The following LAMA2 variants were observed in gnomAD, a reference collection of about 807,000 sequenced individuals.
LAMA2 encodes the protein laminin subunit alpha-2.
LAMA2 carries 269 observed loss-of-function variants against 364.8 expected under a neutral mutation model. The ratio of observed to expected loss-of-function variants is 0.74; its 90% CI spans 0.67 to 0.82. LAMA2 has a LOEUF of 0.82. Ranked by LOEUF, LAMA2 falls within the 40% of genes least tolerant of loss-of-function variation. The pLI, the probability that LAMA2 is intolerant of heterozygous loss-of-function variation, is 0.00. For synonymous variants in LAMA2, 1,379 were observed against 1,370.6 expected (o/e 1.01, Z -0.14); for missense variants, 3,807 against 3,873.2 (o/e 0.98, Z 0.45).
intron 1 of LAMA2, among the ~76,000 whole-genome samples, chr6:128,982,415 T>A (rs1782943407): frequency 6.6e-6 from 1 of 152,176 alleles, no homozygotes. Context: ...ACCTACGACT[T>A]CTGACAATTT....
intron 1 of LAMA2, among the ~76,000 whole-genome samples, chr6:128,932,313 G>A (rs1439209329): frequency 6.6e-6 from 1 of 152,156 alleles, no homozygotes; most frequent in Non-Finnish European, 1.5e-5. Flanking sequence ...AATCTCTCCA[G>A]TAGTTTCTTC....
intron 1 of LAMA2, among the ~76,000 whole-genome samples, chr6:128,919,365 C>T (rs35867085): frequency 0.07 from 10,616 of 152,234 alleles, 448 homozygotes; most frequent in South Asian, 0.12. Context: ...CCACTATTCT[C>T]ACTAGTCATC....
intron 51 of LAMA2, among the ~76,000 whole-genome samples, chr6:129,468,815 G>A (rs983625347): frequency 7.9e-5 from 12 of 151,818 alleles, no homozygotes; most frequent in South Asian, 2.1e-4. Flanking sequence ...AGATGCATAC[G>A]GTTCCTACCC....
At position 129,139,595 on chromosome 6, in the gene LAMA2, C is replaced by T. The variant is rs114805032; in HGVS notation, c.640-4306C>T. 4.9e-3 allele frequency among the ~76,000 whole-genome samples: 738 copies of T among 152,088 alleles called. 4 individuals carry two copies. Among genetic ancestry groups the T allele is most frequent in the African/African-American group, 0.017 (692 of 41,496 alleles). On this transcript the variant is annotated intron_variant, in intron 4 of 64. Transcript: ENST00000421865. ...TCCACAGGAGGTCCTGGAACCAATCCCCACAAATCCCCTGAAACTATAACT... is the reference window on the plus strand; with the variant it reads ...TCCACAGGAGGTCCTGGAACCAATCTCCACAAATCCCCTGAAACTATAACT...
chr6:129,299,205 A>C (rs1773394115), intron 21 of LAMA2, among the ~76,000 whole-genome samples: 1 of 151,990 alleles, frequency 6.6e-6, no homozygotes, highest in Admixed American at 6.6e-5. Flanking sequence ...CTTGCACAAA[A>C]TAGCCTGGAT....
chr6:128,952,430 A>T (rs985066398), intron 1 of LAMA2, among the ~76,000 whole-genome samples: 1 of 152,160 alleles, frequency 6.6e-6, no homozygotes, highest in African/African-American at 2.4e-5. Context: ...ACTGCTTTAG[A>T]TGCTGGAGAT....
chr6:129,460,571 G>A (rs1783198285), intron 49 of LAMA2, among the ~76,000 whole-genome samples: 1 of 152,004 alleles, frequency 6.6e-6, no homozygotes, highest in Non-Finnish European at 1.5e-5. Flanking sequence ...TATAAAATTT[G>A]CAAAGGTAAG....
At chr6:128,916,138 G>A (rs951710539) in intron 1 of LAMA2, among the ~76,000 whole-genome samples, 6 of 152,068 alleles carry the variant, frequency 3.9e-5, no homozygotes, top group Non-Finnish European at 8.8e-5. Context: ...GGTGATGATA[G>A]TCCTGCATTT....
At chr6:129,400,466 A>G (rs60904661) in intron 37 of LAMA2, among the ~76,000 whole-genome samples, 2,235 of 152,344 alleles carry the variant, frequency 0.015, 67 homozygotes, top group African/African-American at 0.051. Context: ...GAAAAAAACT[A>G]TAAGTGGTCA....
intron 12 of LAMA2, among the ~76,000 whole-genome samples, chr6:129,216,429 G>C (rs1445842381): frequency 6.6e-6 from 1 of 152,156 alleles, no homozygotes; most frequent in East Asian, 1.9e-4. Context: ...CCTTAAGCTA[G>C]TTTTGCAATA....
intron 1 of LAMA2, among the ~76,000 whole-genome samples, chr6:128,942,852 AG>A (rs1780239993): frequency 6.6e-6 from 1 of 152,150 alleles, no homozygotes. Flanking sequence ...TTGGGGTGGC[AG>A]GGGTAACCGA....
At chr6:128,911,101 C>A (rs1273774804) in intron 1 of LAMA2, among the ~76,000 whole-genome samples, 2 of 152,140 alleles carry the variant, frequency 1.3e-5, no homozygotes, top group African/African-American at 4.8e-5. Context: ...TTTGTCTGTG[C>A]CCTGCCCCCA....
At chr6:129,422,252 G>A (rs1278501443) in intron 40 of LAMA2, among the ~76,000 whole-genome samples, 1 of 151,932 alleles carries the variant, frequency 6.6e-6, no homozygotes, top group Non-Finnish European at 1.5e-5. Flanking sequence ...GGTTGACTAA[G>A]GATCCAGGAA....
At chr6:129,199,111 T>C (rs907316204) in intron 12 of LAMA2, among the ~76,000 whole-genome samples, 3 of 152,050 alleles carry the variant, frequency 2.0e-5, no homozygotes, top group Non-Finnish European at 4.4e-5. Flanking sequence ...AAATAAAATA[T>C]TAACAACCCA....
intron 12 of LAMA2, among the ~76,000 whole-genome samples, chr6:129,205,157 A>G (rs1287896216): frequency 6.6e-6 from 1 of 152,014 alleles, no homozygotes; most frequent in Non-Finnish European, 1.5e-5. Context: ...TGGGAGGCTG[A>G]GGCAGATGGA....
At chr6:128,904,949 A>ATGGT (rs1277912830) in intron 1 of LAMA2, among the ~76,000 whole-genome samples, 1 of 152,206 alleles carries the variant, frequency 6.6e-6, no homozygotes, top group East Asian at 1.9e-4. Flanking sequence ...CAAGATGCAT[A>ATGGT]TGGTTTTCTT....
intron 30 of LAMA2, among the ~76,000 whole-genome samples, chr6:129,347,959 A>C (rs1037555781): frequency 6.6e-6 from 1 of 152,202 alleles, no homozygotes; most frequent in African/African-American, 2.4e-5. Flanking sequence ...TAATTTAATC[A>C]TACTGGCTCT....
At chr6:129,485,107 C>CT (rs1395139830) in intron 55 of LAMA2, among the ~76,000 whole-genome samples, 12 of 151,984 alleles carry the variant, frequency 7.9e-5, no homozygotes, top group Non-Finnish European at 1.5e-4. Flanking sequence ...GAAAAATAAA[C>CT]TTTTTTCTCA....
rs530093860 is a variant in LAMA2, at chr6:129,013,347, G to C, written c.113-36571G>C. Among the ~76,000 whole-genome samples, 11 of 152,250 alleles carry C rather than the reference G, an allele frequency of 7.2e-5. No homozygotes were observed. The South Asian group carries it at 2.3e-3, about 32-fold the overall frequency. On this transcript the variant is annotated intron_variant, in intron 1 of 64. Transcript: ENST00000421865. Reference sequence around the variant, plus strand: ...AGCTACTCGGGAGGCTGAGGCAGGAGAATGGCGGGAACCCGGGAGGCGGAG... The same window carrying C: ...AGCTACTCGGGAGGCTGAGGCAGGACAATGGCGGGAACCCGGGAGGCGGAG...
Sources: gnomAD v4.1 joint callset for allele counts (sites outside exome capture counted in the v4.1 genomes callset) on GRCh38, gnomAD v4.1.1 for gene constraint, MANE v1.5 for transcripts, NCBI Gene and HGNC (gene_info 2026-07-23, HGNC 2026-07-21) for gene names.